The following MAP2K1 variants were observed in gnomAD, a reference collection of about 807,000 sequenced individuals.
The protein encoded by MAP2K1 is dual specificity mitogen-activated protein kinase kinase 1.
Under a neutral mutation model 46.3 loss-of-function variants are expected in MAP2K1, and 16 were observed. The observed-to-expected ratio is 0.35, with a 90% CI of 0.23 to 0.52. The LOEUF is 0.52. MAP2K1 is among the 20% of genes least tolerant of loss of function. The pLI is 0.94. For missense variants in MAP2K1, 263 were observed against 497.1 expected (o/e 0.53, Z 4.48); for synonymous variants, 183 against 185.6 (o/e 0.99, Z 0.11).
At position 66,396,995 on chromosome 15, in the gene MAP2K1, C is replaced by CTTT. The variant is rs57043037; in HGVS notation, c.80+9593_80+9595dup. Among the ~76,000 whole-genome samples the CTTT allele has an allele frequency of 3.8e-3, 148 of 39,276 alleles. 20 individuals carry two copies. The highest frequency in any genetic ancestry group is 6.2e-3 in the African/African-American group (62 of 9,994). The allele number at this position is 39,276 out of a possible 152,430, so 25.8% of individuals were successfully genotyped here. ...CTACCATGCCTGGCCTGTAACGCTT[C>CTTT]TTTTTTTTTTTTTTTTTTTTTTTTT... On this transcript the variant is annotated intron_variant, in intron 1 of 10. Transcript: ENST00000307102.
At chr15:66,417,687 T>C (rs1595849503) in intron 1 of MAP2K1, among the ~76,000 whole-genome samples, 2 of 152,180 alleles carry the variant, frequency 1.3e-5, no homozygotes, top group Non-Finnish European at 2.9e-5. Context: ...TAGGGTTTTT[T>C]CCCAGAGGTG....
intron 7 of MAP2K1, among the ~76,000 whole-genome samples, chr15:66,485,443 T>A (rs999349375): frequency 4.6e-5 from 7 of 152,192 alleles, no homozygotes; most frequent in Admixed American, 2.6e-4. Context: ...TTATCTAACC[T>A]TTTGTATTTA....
intron 5 of MAP2K1, among the ~76,000 whole-genome samples, chr15:66,465,739 A>G (rs1567019716): frequency 6.6e-6 from 1 of 152,062 alleles, no homozygotes; most frequent in African/African-American, 2.4e-5. Flanking sequence ...TTTGAAACGT[A>G]TTTTTTCTCT....
chr15:66,400,060 C>CT (rs925378858), intron 1 of MAP2K1, among the ~76,000 whole-genome samples: 2 of 152,042 alleles, frequency 1.3e-5, no homozygotes, highest in South Asian at 2.1e-4. Context: ...AGGAAACATA[C>CT]TTTTTTTGTG....
Position 66,436,844 on chromosome 15 carries a change from T to C in MAP2K1, c.390T>C (p.Tyr130=). The change falls in exon 3 of 11, where the codon TAT becomes TAC. Residue 130 remains tyrosine, a synonymous_variant. Coordinates refer to ENST00000307102, the MANE Select transcript of MAP2K1 (RefSeq NM_002755.4). ...ACTCTCCGTACATCGTGGGCTTCTA[T>C]GGTGCGTTCTACAGCGATGGCGAGA... ...ECNSPYIVGF[Y]GAFYSDGEIS... is the part of the protein sequence containing the mutation. 6.2e-7 allele frequency: 1 copy of C among 1,614,218 alleles called. No homozygotes were observed. Among genetic ancestry groups the C allele is most frequent in the Non-Finnish European group, 8.5e-7 (1 of 1,180,036 alleles).
intron 1 of MAP2K1, among the ~76,000 whole-genome samples, chr15:66,394,524 G>T (rs571407820): frequency 1.6e-4 from 24 of 147,180 alleles, no homozygotes; most frequent in African/African-American, 5.0e-4. Context: ...GAGTGCATTG[G>T]TGCTCACTAT....
At chr15:66,470,829 G>A (rs1423060360) in intron 5 of MAP2K1, among the ~76,000 whole-genome samples, 1 of 152,202 alleles carries the variant, frequency 6.6e-6, no homozygotes, top group Non-Finnish European at 1.5e-5. Flanking sequence ...TGAGGACCCT[G>A]TGACACAGCC....
chr15:66,438,845 G>A (rs774287260), intron 3 of MAP2K1, among the ~76,000 whole-genome samples: 83 of 152,334 alleles, frequency 5.4e-4, no homozygotes, highest in Non-Finnish European at 9.8e-4. Flanking sequence ...GACCTGGTCA[G>A]GCTTGGGACT....
intron 6 of MAP2K1, among the ~76,000 whole-genome samples, chr15:66,483,922 G>A (rs1417675532): frequency 6.8e-6 from 1 of 147,492 alleles, no homozygotes; most frequent in Non-Finnish European, 1.5e-5. Context: ...TAATTTTTTT[G>A]TATTTTTAGT....
chr15:66,446,747 C>T lies in MAP2K1; in HGVS notation c.568+2040C>T, dbSNP rs1169066167. 93 of 340,130 alleles carry T rather than the reference C, an allele frequency of 2.7e-4. 1 individual carries two copies. Among genetic ancestry groups the T allele is most frequent in the Non-Finnish European group, 3.1e-5 (5 of 162,104 alleles). The allele number at this position is 340,130 out of a possible 1,614,324, so 21.1% of individuals were successfully genotyped here. ...TGGTTCCGGATACCCTGCTTATAGC[C>T]GGCAAAAATGGCCTTGCACCACAGC... On this transcript the variant is annotated intron_variant, in intron 5 of 10. Coordinates refer to ENST00000307102, the MANE Select transcript of MAP2K1 (RefSeq NM_002755.4).
At chr15:66,393,460 A>G (rs939182019) in intron 1 of MAP2K1, among the ~76,000 whole-genome samples, 5 of 152,096 alleles carry the variant, frequency 3.3e-5, no homozygotes, top group Admixed American at 2.0e-4. Context: ...ACAGGTGTGA[A>G]CCACCGCACC....
At chr15:66,393,809 T>C (rs2093361920) in intron 1 of MAP2K1, among the ~76,000 whole-genome samples, 1 of 152,208 alleles carries the variant, frequency 6.6e-6, no homozygotes, top group African/African-American at 2.4e-5. Flanking sequence ...CTGGAAAGCT[T>C]GTCTCTCAAA....
intron 1 of MAP2K1, among the ~76,000 whole-genome samples, chr15:66,413,902 C>T (rs977967494): frequency 1.3e-3 from 100 of 79,944 alleles, no homozygotes; most frequent in African/African-American, 4.0e-3. Context: ...TTATTTTTTT[C>T]TTCTTCTTCT....
intron 1 of MAP2K1, 34 bp downstream of exon 1, chr15:66,387,461 C>T (rs748036330): frequency 1.3e-6 from 2 of 1,545,966 alleles, no homozygotes; most frequent in African/African-American, 1.4e-5. Flanking sequence ...CCTCGGGGCC[C>T]GGCTGGGGAG....
In MAP2K1 at chr15:66,485,781, T is replaced by G. The variant is rs76153389; in HGVS notation, c.895+590T>G. Among the ~76,000 whole-genome samples the G allele has an allele frequency of 4.8e-3, 728 of 152,240 alleles. 8 individuals are homozygous for G. Among genetic ancestry groups the G allele is most frequent in the African/African-American group, 0.017 (698 of 41,528 alleles). ...ATTTTGTAGAGATATAGTCTCCTTATGTTGCTCAGGTTAGTCTTGAACTTT... is the reference window on the plus strand; with the variant it reads ...ATTTTGTAGAGATATAGTCTCCTTAGGTTGCTCAGGTTAGTCTTGAACTTT... On this transcript the variant is annotated intron_variant, in intron 7 of 10. Coordinates refer to ENST00000307102, the MANE Select transcript of MAP2K1 (RefSeq NM_002755.4).
chr15:66,424,880 C>T (rs1411973096), intron 1 of MAP2K1, among the ~76,000 whole-genome samples: 2 of 149,166 alleles, frequency 1.3e-5, no homozygotes, highest in African/African-American at 4.9e-5. Context: ...TCACTACAAC[C>T]TCTGCCTCCT....
At chr15:66,481,643 G>A in intron 5 of MAP2K1, 112 bp from the exon 6 acceptor site, 2 of 1,234,904 alleles carry the variant, frequency 1.6e-6, no homozygotes, top group Admixed American at 3.4e-5. Context: ...TGGCGGACGG[G>A]GGTGTGGTCC....
intron 5 of MAP2K1, among the ~76,000 whole-genome samples, chr15:66,455,154 C>A (rs928561008): frequency 1.3e-5 from 2 of 152,202 alleles, no homozygotes; most frequent in African/African-American, 4.8e-5. Context: ...AATCCACTCT[C>A]ACCACAGTCA....
At chr15:66,426,128 CGTAA>C (rs1463974383) in intron 1 of MAP2K1, among the ~76,000 whole-genome samples, 3 of 127,602 alleles carry the variant, frequency 2.4e-5, no homozygotes, top group Admixed American at 9.2e-5. Flanking sequence ...CCTGGGAATA[CGTAA>C]GTGTTTTTTC....
Sources: gnomAD v4.1 joint callset for allele counts (sites outside exome capture counted in the v4.1 genomes callset) on GRCh38, gnomAD v4.1.1 for gene constraint, MANE v1.5 for transcripts, NCBI Gene and HGNC (gene_info 2026-07-23, HGNC 2026-07-21) for gene names.